Variants in GLB1 observed in about 807,000 individuals in gnomAD.
GLB1 encodes the protein galactosidase beta 1.
Under a neutral mutation model 74.0 loss-of-function variants are expected in GLB1, and 56 were observed. The observed-to-expected ratio is 0.76, with a 90% CI of 0.61 to 0.94. The LOEUF (loss-of-function observed/expected upper bound fraction) is 0.94, where lower values mean the gene tolerates loss of function less well. Ranked by LOEUF, GLB1 falls within the 40% of genes least tolerant of loss-of-function variation. The pLI is 0.00. For missense variants in GLB1, 787 were observed against 845.5 expected, an observed-to-expected ratio of 0.93 and a Z score of 0.86; for synonymous variants, 323 against 323.6, an observed-to-expected ratio of 1.00 and a Z score of 0.02.
chr3:33,046,203 T>C lies in GLB1; in HGVS notation c.985A>G (p.Thr329Ala). ...GANSPYAAQPTSYDYDAPLSE... is the reference protein window; with the variant it reads ...GANSPYAAQPASYDYDAPLSE... ...AGTGGGGCATCATAGTCGTAGCTGGTGGGCTGTGCTGCATAGGGTGAGTTG... is the reference window on the plus strand; with the variant it reads ...AGTGGGGCATCATAGTCGTAGCTGGCGGGCTGTGCTGCATAGGGTGAGTTG... Residue 329 changes from threonine (T) to alanine (A), a missense_variant, in exon 10 of 16, where the codon ACC (threonine) becomes GCC (alanine). Thr to Ala is a moderately conservative substitution (Grantham distance 58). Transcript: ENST00000307363. 6.2e-7 allele frequency: 1 copy of C among 1,614,066 alleles called. No individual in the cohort carries two copies. Among genetic ancestry groups the C allele is most frequent in the Non-Finnish European group, 8.5e-7 (1 of 1,180,006 alleles).
chr3:32,994,943 G>GA (rs1482757123), downstream of GLB1, among the ~76,000 whole-genome samples: 1 of 132,808 alleles, frequency 7.5e-6, no homozygotes, highest in East Asian at 2.7e-4. Context: ...AAAAAAAAAA[G>GA]ATTCTGTTTT....
At chr3:33,051,821 G>A (rs768024551) in intron 8 of GLB1, 23 bp from the exon 9 acceptor site, 4 of 1,614,088 alleles carry the variant, frequency 2.5e-6, no homozygotes, top group East Asian at 2.2e-5. Context: ...AAAAGAACAC[G>A]GTACTTCACT....
At chr3:33,070,039 A>G (rs554112881) in intron 2 of GLB1, among the ~76,000 whole-genome samples, 41 of 151,422 alleles carry the variant, frequency 2.7e-4, no homozygotes, top group African/African-American at 9.4e-4. Flanking sequence ...GCTACCACTT[A>G]TAAGTGAGAA....
intron 15 of GLB1, among the ~76,000 whole-genome samples, chr3:32,999,474 G>A (rs1696458458): frequency 6.6e-6 from 1 of 152,156 alleles, no homozygotes; most frequent in Admixed American, 6.5e-5. Flanking sequence ...TGAACAAAGT[G>A]GAGGTTTGGT....
At chr3:33,090,954 T>C (rs1700733809) in intron 1 of GLB1, 1 of 984,822 alleles carries the variant, frequency 1.0e-6, no homozygotes, top group Non-Finnish European at 1.2e-6. Flanking sequence ...TAATGAAAGC[T>C]AATTTCATCA....
chr3:33,095,846 G>T (rs1288029810), intron 1 of GLB1, among the ~76,000 whole-genome samples: 2 of 152,180 alleles, frequency 1.3e-5, no homozygotes, highest in Admixed American at 6.5e-5. Flanking sequence ...TGACTCCTAA[G>T]GTCCTACGGG....
chr3:33,057,606 C>A (rs1361006919), intron 6 of GLB1, among the ~76,000 whole-genome samples: 1 of 152,180 alleles, frequency 6.6e-6, no homozygotes, highest in Non-Finnish European at 1.5e-5. Flanking sequence ...CTAAGTTATG[C>A]AGAAAGACAA....
At chr3:32,986,154 C>A in the GLB1 span, among the ~76,000 whole-genome samples, 1 of 152,246 alleles carries the variant, frequency 6.6e-6, no homozygotes, top group Non-Finnish European at 1.5e-5. Context: ...GCGCCTCAGG[C>A]GGTAGCTGCT....
intron 15 of GLB1, among the ~76,000 whole-genome samples, chr3:33,000,187 C>T (rs934103935): frequency 3.9e-5 from 6 of 152,116 alleles, no homozygotes; most frequent in Non-Finnish European, 8.8e-5. Context: ...GATCCTCCCC[C>T]ATCAGCCTCC....
intron 5 of GLB1, among the ~76,000 whole-genome samples, chr3:33,064,439 C>A (rs1168902150): frequency 2.4e-5 from 1 of 41,094 alleles, no homozygotes; most frequent in Non-Finnish European, 4.7e-5. Context: ...GACTCTGTCT[C>A]CTAAAAAAAA....
chr3:33,024,956 T>G (rs189313971), intron 10 of GLB1, among the ~76,000 whole-genome samples: 7 of 152,212 alleles, frequency 4.6e-5, no homozygotes, highest in Middle Eastern at 3.4e-3. Context: ...TCTTTTTTTT[T>G]TTTTTTGAGA....
intron 10 of GLB1, among the ~76,000 whole-genome samples, chr3:33,040,954 T>C (rs1200357645): frequency 1.3e-5 from 2 of 152,222 alleles, no homozygotes; most frequent in Non-Finnish European, 2.9e-5. Flanking sequence ...TTAGAATTTA[T>C]AGCTACTAAA....
At chr3:32,962,151 G>A in the GLB1 span, among the ~76,000 whole-genome samples, 2 of 151,350 alleles carry the variant, frequency 1.3e-5, no homozygotes, top group African/African-American at 2.4e-5. Flanking sequence ...CTGAGGTCAC[G>A]TCATTGCACT....
At chr3:33,011,854 T>C (rs1697043708) in intron 15 of GLB1, among the ~76,000 whole-genome samples, 1 of 152,206 alleles carries the variant, frequency 6.6e-6, no homozygotes, top group Admixed American at 6.5e-5. Flanking sequence ...CAAGTATTCC[T>C]GTTCGTATTC....
intron 10 of GLB1, among the ~76,000 whole-genome samples, chr3:33,026,590 G>A (rs147937264): frequency 6.6e-6 from 1 of 152,268 alleles, no homozygotes; most frequent in Admixed American, 6.5e-5. Flanking sequence ...GGACCAGAGG[G>A]GTAACTTGTG....
At chr3:33,084,004 G>A (rs941258514) in intron 1 of GLB1, among the ~76,000 whole-genome samples, 4 of 152,278 alleles carry the variant, frequency 2.6e-5, no homozygotes. Context: ...CAGATTATGG[G>A]TCATGCTGAT....
Position 32,996,894 on chromosome 3 carries a change from C to T in GLB1, c.*151G>A. 7.0e-7 allele frequency: 1 copy of T among 1,438,654 alleles called. No individual in the cohort carries two copies. The highest frequency in any genetic ancestry group is 9.5e-7 in the Non-Finnish European group (1 of 1,053,800). 89.1% of individuals were successfully genotyped at this position (1,438,654 alleles called of 1,614,324 possible). A position where few individuals can be genotyped will look rare whatever the true frequency, so the allele number is the denominator to read the frequency against. On this transcript the variant is annotated 3_prime_UTR_variant, in exon 16 of 16. Coordinates refer to ENST00000307363, the MANE Select transcript of GLB1 (RefSeq NM_000404.4). The stretch of plus-strand genomic sequence containing the variant: ...GTGGTCCCTGAAGGTGGGGCTTTGG[C>T]ACTGCAGGGATGCAGGGAAACCTCA...
intron 1 of GLB1, chr3:33,092,839 G>T: frequency 6.3e-7 from 1 of 1,598,930 alleles, no homozygotes; most frequent in Non-Finnish European, 8.5e-7. Flanking sequence ...CCAGTTCAGG[G>T]AGACCGCTGC....
At chr3:33,028,987 G>C (rs1031823599) in intron 10 of GLB1, among the ~76,000 whole-genome samples, 1 of 152,088 alleles carries the variant, frequency 6.6e-6, no homozygotes, top group African/African-American at 2.4e-5. Context: ...TTTCTATGTA[G>C]ATCTTGATAT....
Sources: gnomAD v4.1 joint callset for allele counts (sites outside exome capture counted in the v4.1 genomes callset) on GRCh38, gnomAD v4.1.1 for gene constraint, MANE v1.5 for transcripts, NCBI Gene and HGNC (gene_info 2026-07-23, HGNC 2026-07-21) for gene names.